Variants in CRIM1 observed in about 807,000 individuals in gnomAD.
CRIM1 encodes cysteine-rich motor neuron 1 protein.
In CRIM1, 32 loss-of-function variants were observed where a neutral mutation model predicts 116.4. The observed-to-expected ratio is 0.27, with a 90% CI of 0.21 to 0.37. The LOEUF is 0.37. Ranked by LOEUF, CRIM1 falls within the 10% of genes least tolerant of loss-of-function variation. The pLI, the probability that CRIM1 is intolerant of heterozygous loss-of-function variation, is 1.00. For synonymous variants in CRIM1, 590 were observed against 509.2 expected (o/e 1.16, Z -2.13); for missense variants, 1,331 against 1,354.8 (o/e 0.98, Z 0.28).
chr2:36,390,222 T>TA (rs541307923), intron 1 of CRIM1, among the ~76,000 whole-genome samples: 76 of 152,194 alleles, frequency 5.0e-4, no homozygotes, highest in Non-Finnish European at 1.0e-3. Flanking sequence ...ATAAAGCAAA[T>TA]AAAAAAACCT....
intron 2 of CRIM1, among the ~76,000 whole-genome samples, chr2:36,410,659 A>G (rs1015096730): frequency 4.6e-5 from 7 of 152,172 alleles, no homozygotes; most frequent in African/African-American, 1.4e-4. Context: ...GACACTTTAA[A>G]GATTCCTAAA....
Position 36,548,555 on chromosome 2 carries a change from G to A in CRIM1, c.2965G>A (p.Val989Met). 1 of 1,595,104 alleles carries A rather than the reference G, an allele frequency of 6.3e-7. No homozygotes were observed. The highest frequency in any genetic ancestry group is 8.5e-7 in the Non-Finnish European group (1 of 1,174,574). ...PSSLNNQLVS[V>M]DCKKGTRVQV... is the part of the protein sequence containing the mutation. Reference sequence around the variant, plus strand: ...TTCCTTAAATAATCAGCTAGTATCTGTGGACTGCAAGAAAGGAACCAGAGT... The same window carrying A: ...TTCCTTAAATAATCAGCTAGTATCTATGGACTGCAAGAAAGGAACCAGAGT... The change falls in exon 17 of 17, where the codon GTG becomes ATG. Residue 989 changes from valine (V) to methionine (M), a missense_variant. By Grantham distance (21) the Val-to-Met change is conservative (BLOSUM62 1). Transcript: ENST00000280527.
intron 4 of CRIM1, among the ~76,000 whole-genome samples, chr2:36,446,599 T>G (rs1196882111): frequency 6.6e-6 from 1 of 152,226 alleles, no homozygotes; most frequent in Non-Finnish European, 1.5e-5. Context: ...ATCATTCTTG[T>G]GTGTGATGTA....
intron 5 of CRIM1, among the ~76,000 whole-genome samples, chr2:36,474,086 C>T (rs773366981): frequency 8.5e-5 from 13 of 152,210 alleles, no homozygotes; most frequent in Middle Eastern, 3.4e-3. Context: ...TTGAATTCCC[C>T]GAGTGACTAA....
At chr2:36,440,271 C>T (rs1675699355) in intron 2 of CRIM1, among the ~76,000 whole-genome samples, 1 of 152,148 alleles carries the variant, frequency 6.6e-6, no homozygotes, top group Non-Finnish European at 1.5e-5. Context: ...TCCTACTACC[C>T]AATTCTGTGT....
chr2:36,483,898 A>G (rs559894275), intron 7 of CRIM1, among the ~76,000 whole-genome samples: 5 of 152,292 alleles, frequency 3.3e-5, no homozygotes, highest in South Asian at 2.1e-4. Context: ...CCCCTGATCT[A>G]CTAGTTGAAG....
intron 16 of CRIM1, 50 bp downstream of exon 16, chr2:36,547,221 T>TA (rs1558427044): frequency 6.9e-7 from 1 of 1,450,112 alleles, no homozygotes; most frequent in Non-Finnish European, 9.6e-7. Flanking sequence ...TAGGAAAACT[T>TA]ACACTCATAT....
At chr2:36,510,974 G>A (rs867293186) in intron 9 of CRIM1, among the ~76,000 whole-genome samples, 8 of 140,186 alleles carry the variant, frequency 5.7e-5, no homozygotes, top group Middle Eastern at 3.9e-3. Context: ...CACCCAGGCC[G>A]TAGTGCAGTG....
At chr2:36,418,588 C>T (rs1392714180) in intron 2 of CRIM1, among the ~76,000 whole-genome samples, 1 of 152,186 alleles carries the variant, frequency 6.6e-6, no homozygotes, top group Non-Finnish European at 1.5e-5. Context: ...TGCCCAGCCA[C>T]TTGAGCTCTT....
chr2:36,456,352 G>A (rs765749842), intron 4 of CRIM1, among the ~76,000 whole-genome samples: 2 of 152,170 alleles, frequency 1.3e-5, no homozygotes, highest in Non-Finnish European at 1.5e-5. Flanking sequence ...CTGATTCATT[G>A]TTCCAAAGCA....
At chr2:36,406,047 G>T (rs1672764859) in intron 2 of CRIM1, among the ~76,000 whole-genome samples, 1 of 151,966 alleles carries the variant, frequency 6.6e-6, no homozygotes, top group Admixed American at 6.6e-5. Context: ...CAATTATATT[G>T]ATCTCCTGTA....
intron 1 of CRIM1, among the ~76,000 whole-genome samples, chr2:36,368,320 A>G (rs1442570981): frequency 6.6e-6 from 1 of 152,226 alleles, no homozygotes; most frequent in Admixed American, 6.5e-5. Flanking sequence ...GCCACTGACC[A>G]GGAAGCTCTT....
chr2:36,411,358 T>G (rs1336769825), intron 2 of CRIM1, among the ~76,000 whole-genome samples: 1 of 152,194 alleles, frequency 6.6e-6, no homozygotes, highest in Non-Finnish European at 1.5e-5. Flanking sequence ...ATGTTGCCCT[T>G]GGGGGTCCTT....
intron 13 of CRIM1, among the ~76,000 whole-genome samples, chr2:36,532,214 A>G (rs987763483): frequency 1.3e-4 from 20 of 152,260 alleles, no homozygotes; most frequent in Non-Finnish European, 2.2e-4. Flanking sequence ...CAGCAGCGGC[A>G]GTACCATTGG....
At chr2:36,461,508 A>G (rs987683673) in intron 4 of CRIM1, among the ~76,000 whole-genome samples, 1 of 152,222 alleles carries the variant, frequency 6.6e-6, no homozygotes, top group African/African-American at 2.4e-5. Context: ...CTTCTAGTGG[A>G]AAACACAGAG....
intron 7 of CRIM1, among the ~76,000 whole-genome samples, chr2:36,488,210 AGT>A (rs1234611279): frequency 6.6e-6 from 1 of 152,246 alleles, no homozygotes; most frequent in East Asian, 1.9e-4. Flanking sequence ...TTGAAGATAC[AGT>A]GTCACACAAG....
Position 36,396,799 on chromosome 2 carries a change from T to G in CRIM1, c.505+12T>G, listed in dbSNP as rs765569787. ...AAAGAGAATTGAAGGTAAGCATTAA[T>G]TTTTGTTAACCATCCAGTCGTAAGC... On this transcript the variant is annotated intron_variant, in intron 2 of 16. Transcript: ENST00000280527. 3.1e-6 allele frequency: 5 copies of G among 1,600,538 alleles called. No individual in the cohort carries two copies. The African/African-American group carries it at 6.7e-5, about 21-fold the overall frequency.
chr2:36,438,259 T>C (rs937625745), intron 2 of CRIM1, among the ~76,000 whole-genome samples: 4 of 152,070 alleles, frequency 2.6e-5, no homozygotes, highest in African/African-American at 9.7e-5. Context: ...TTTTGTAAAA[T>C]AAAAATGTAA....
intron 13 of CRIM1, chr2:36,529,433 CCTT>C: frequency 4.5e-6 from 1 of 223,708 alleles, no homozygotes; most frequent in Non-Finnish European, 9.3e-6. Flanking sequence ...ATTTCTTCCT[CCTT>C]ATTTGGGCCA....
Sources: allele counts gnomAD v4.1 joint callset (sites outside exome capture counted in the v4.1 genomes callset), GRCh38; gene constraint gnomAD v4.1.1; transcripts MANE v1.5; gene names NCBI Gene and HGNC (gene_info 2026-07-23, HGNC 2026-07-21).